MICAL2: variants seen among roughly 807,000 people sequenced by gnomAD.
MICAL2 encodes the protein [F-actin]-monooxygenase MICAL2.
In MICAL2, 77 loss-of-function variants were observed where a neutral mutation model predicts 127.3. That is an observed-to-expected ratio of 0.60 (90% confidence interval 0.50 to 0.73). The LOEUF is 0.73. Ranked by LOEUF, MICAL2 falls within the 30% of genes least tolerant of loss-of-function variation. The pLI, the probability that MICAL2 is intolerant of heterozygous loss-of-function variation, is 0.00. For synonymous variants in MICAL2, 570 were observed against 551.1 expected (o/e 1.03, Z -0.48); for missense variants, 1,351 against 1,434.4 (o/e 0.94, Z 0.94).
chr11:12,111,366 C>T (rs917898683), intron 1 of MICAL2, among the ~76,000 whole-genome samples: 1 of 152,168 alleles, frequency 6.6e-6, no homozygotes, highest in Non-Finnish European at 1.5e-5. Flanking sequence ...GGCCCAGGAG[C>T]ACCCCCGCAG....
At chr11:12,172,159 G>T (rs1856347820) in intron 3 of MICAL2, among the ~76,000 whole-genome samples, 1 of 152,200 alleles carries the variant, frequency 6.6e-6, no homozygotes, top group Non-Finnish European at 1.5e-5. Flanking sequence ...GAAGAAGGTA[G>T]ATGGGGTTGC....
chr11:12,152,290 T>A (rs571928721), intron 2 of MICAL2, among the ~76,000 whole-genome samples: 46 of 79,276 alleles, frequency 5.8e-4, no homozygotes, highest in Middle Eastern at 0.012. Flanking sequence ...AAAGCAAGAC[T>A]CTGTCTCAAA....
chr11:12,309,892 C>A (rs1204211803), intron 29 of MICAL2, among the ~76,000 whole-genome samples: 1 of 152,102 alleles, frequency 6.6e-6, no homozygotes, highest in African/African-American at 2.4e-5. Context: ...GAGATGATAT[C>A]TCATTGTGGT....
rs1239181272 is a variant in MICAL2 at position 12,337,666 on chromosome 11, T to C, written c.5515+10400T>C. Reference sequence around the variant, plus strand: ...CTGGTATGTTGTGTCTTTGTTCTCGTTGGTTTCAAAGAACATCTTTATTTC... The same window carrying C: ...CTGGTATGTTGTGTCTTTGTTCTCGCTGGTTTCAAAGAACATCTTTATTTC... On this transcript the variant is annotated intron_variant, in intron 32 of 34. Coordinates refer to the MICAL2 transcript ENST00000646065. Among the ~76,000 whole-genome samples the C allele has an allele frequency of 3.3e-5, 5 of 152,092 alleles. No homozygotes were observed. The East Asian group carries it at 9.6e-4, about 29-fold the overall frequency.
intron 1 of MICAL2, among the ~76,000 whole-genome samples, chr11:12,136,343 G>A (rs142002174): frequency 6.6e-6 from 1 of 152,292 alleles, no homozygotes; most frequent in Non-Finnish European, 1.5e-5. Context: ...TCGAGACTTT[G>A]GGTGAAGCAC....
intron 29 of MICAL2, among the ~76,000 whole-genome samples, chr11:12,309,535 T>G (rs1023581442): frequency 2.6e-5 from 4 of 152,210 alleles, no homozygotes; most frequent in Non-Finnish European, 4.4e-5. Flanking sequence ...TGAATAATAT[T>G]CCATTGTGTA....
At chr11:12,361,575 A>G (rs1313724478), downstream of MICAL2, among the ~76,000 whole-genome samples, 2 of 152,246 alleles carry the variant, frequency 1.3e-5, no homozygotes, top group Non-Finnish European at 2.9e-5. Context: ...CTCAGGTTGT[A>G]CTGTTCATTT....
chr11:12,292,106 C>T (rs1344520358), downstream of MICAL2: 56 of 1,588,046 alleles, frequency 3.5e-5, no homozygotes, highest in South Asian at 4.6e-5. Flanking sequence ...AAAATAATAA[C>T]ACCTTTGTAA....
chr11:12,354,828 A>G, exon 34 of MICAL2: 1 of 1,614,088 alleles, frequency 6.2e-7, no homozygotes, highest in Non-Finnish European at 8.5e-7. Flanking sequence ...AGACTGGAGC[A>G]GAAACTGAGA....
chr11:12,271,839 G>A (rs1863679411), upstream of MICAL2, among the ~76,000 whole-genome samples: 1 of 152,164 alleles, frequency 6.6e-6, no homozygotes, highest in Non-Finnish European at 1.5e-5. Context: ...TTAGACTGCA[G>A]AAGTCGGGGA....
At chr11:12,285,065 G>T (rs548780098) in intron 2 of MICAL2, among the ~76,000 whole-genome samples, 1 of 152,290 alleles carries the variant, frequency 6.6e-6, no homozygotes, top group African/African-American at 2.4e-5. Flanking sequence ...CGGGGATCAG[G>T]ATTTTTAAAG....
chr11:12,352,205 G>A (rs1939061475), intron 33 of MICAL2, among the ~76,000 whole-genome samples: 1 of 152,144 alleles, frequency 6.6e-6, no homozygotes, highest in Non-Finnish European at 1.5e-5. Flanking sequence ...ATTGAGGCCA[G>A]GTATGAATGA....
rs1201632845 is a variant in MICAL2 at position 12,112,630 on chromosome 11, A to G, written c.-149+1904A>G. Reference sequence around the variant, plus strand: ...AGTTTGAACATACCTCTATAAAAACATGACATCACTTTTATCTCCAGCCCC... The same window carrying G: ...AGTTTGAACATACCTCTATAAAAACGTGACATCACTTTTATCTCCAGCCCC... On this transcript the variant is annotated intron_variant, in intron 1 of 27. Transcript: ENST00000683283. 2.0e-4 allele frequency among the ~76,000 whole-genome samples: 30 copies of G among 152,096 alleles called. 1 individual carries two copies. The highest frequency in any genetic ancestry group is 2.0e-3 in the Admixed American group (30 of 15,278).
intron 29 of MICAL2, among the ~76,000 whole-genome samples, chr11:12,300,788 A>T (rs539207497): frequency 6.6e-6 from 1 of 152,330 alleles, no homozygotes; most frequent in East Asian, 1.9e-4. Context: ...CCATTGAGCC[A>T]TGCCTGGACT....
chr11:12,255,816 G>T, intron 23 of MICAL2, 66 bp downstream of exon 23: 7 of 1,337,094 alleles, frequency 5.2e-6, no homozygotes, highest in South Asian at 1.3e-5. Flanking sequence ...GCGGGCACAT[G>T]GGATGTCGAG....
chr11:12,355,585 T>C (rs561263392), intron 34 of MICAL2, among the ~76,000 whole-genome samples: 1 of 152,348 alleles, frequency 6.6e-6, no homozygotes, highest in South Asian at 2.1e-4. Flanking sequence ...CTCAGGGATC[T>C]AATACTGCAC....
chr11:12,196,779 T>C (rs1028878211), intron 3 of MICAL2, among the ~76,000 whole-genome samples: 2 of 152,314 alleles, frequency 1.3e-5, no homozygotes, highest in African/African-American at 4.8e-5. Flanking sequence ...TCCAAGTCCC[T>C]CCACGATCTG....
intron 32 of MICAL2, among the ~76,000 whole-genome samples, chr11:12,339,002 G>C (rs557704445): frequency 6.6e-6 from 1 of 152,190 alleles, no homozygotes; most frequent in Non-Finnish European, 1.5e-5. Flanking sequence ...ATGTTGGCCT[G>C]CCTTGCTAGA....
At chr11:12,195,664 GA>G (rs1248341726) in intron 3 of MICAL2, among the ~76,000 whole-genome samples, 3 of 146,528 alleles carry the variant, frequency 2.0e-5, no homozygotes, top group Non-Finnish European at 4.5e-5. Flanking sequence ...TGAATATGAA[GA>G]AAAATAAAAC....
Sources: allele counts gnomAD v4.1 joint callset (sites outside exome capture counted in the v4.1 genomes callset), GRCh38; gene constraint gnomAD v4.1.1; transcripts MANE v1.5; gene names NCBI Gene and HGNC (gene_info 2026-07-23, HGNC 2026-07-21).